Variants in EFNA5 observed in about 807,000 individuals in gnomAD.
The protein encoded by EFNA5 is ephrin-A5.
A neutral mutation model predicts 22.9 loss-of-function variants in EFNA5; 5 were observed. The observed-to-expected ratio is 0.22, with a 90% confidence interval of 0.11 to 0.46. The LOEUF (loss-of-function observed/expected upper bound fraction) is 0.46. Among genes scored for constraint, EFNA5 ranks in the 20% least tolerant of loss-of-function variants. The probability of loss-of-function intolerance (pLI) is 0.99; values close to 1 mark genes in which losing one functional copy is unlikely to be tolerated. For synonymous variants in EFNA5, 113 were observed against 112.2 expected (o/e 1.01, Z -0.04); for missense variants, 237 against 293.3 (o/e 0.81, Z 1.40).
intron 1 of EFNA5, among the ~76,000 whole-genome samples, chr5:107,476,154 C>T (rs1188732862): frequency 6.8e-6 from 1 of 147,550 alleles, no homozygotes; most frequent in African/African-American, 2.6e-5. Context: ...CAAGTTCAAG[C>T]AATTCTCCTG....
chr5:107,514,304 G>C (rs1580506088), intron 1 of EFNA5, among the ~76,000 whole-genome samples: 1 of 152,124 alleles, frequency 6.6e-6, no homozygotes. Flanking sequence ...ATTCACTTGG[G>C]AATTCAACAG....
chr5:107,499,183 A>T (rs942990234), intron 1 of EFNA5, among the ~76,000 whole-genome samples: 19 of 151,882 alleles, frequency 1.3e-4, no homozygotes, highest in African/African-American at 3.9e-4. Flanking sequence ...GAAAGATGAA[A>T]TTTTTTTTTA....
chr5:107,540,307 A>G (rs886415281), intron 1 of EFNA5, among the ~76,000 whole-genome samples: 3 of 152,246 alleles, frequency 2.0e-5, no homozygotes, highest in Admixed American at 6.5e-5. Flanking sequence ...AACCAGATTG[A>G]GAATGCATGA....
chr5:107,382,720 T>C (rs376796600), intron 4 of EFNA5, among the ~76,000 whole-genome samples: 41 of 152,234 alleles, frequency 2.7e-4, no homozygotes, highest in African/African-American at 8.7e-4. Flanking sequence ...TGGGGGCCAA[T>C]AGTGAGCCCC....
At chr5:107,535,947 T>C (rs1331412291) in intron 1 of EFNA5, among the ~76,000 whole-genome samples, 1 of 152,198 alleles carries the variant, frequency 6.6e-6, no homozygotes, top group Non-Finnish European at 1.5e-5. Flanking sequence ...CATTCTTCCC[T>C]TACCCTTTTA....
At chr5:107,656,457 C>A (rs1019102427) in intron 1 of EFNA5, among the ~76,000 whole-genome samples, 3 of 152,224 alleles carry the variant, frequency 2.0e-5, no homozygotes, top group African/African-American at 4.8e-5. Flanking sequence ...CAAAATGATA[C>A]AATTTGGTCT....
chr5:107,662,263 C>G (rs905509082), intron 1 of EFNA5, among the ~76,000 whole-genome samples: 12 of 152,146 alleles, frequency 7.9e-5, no homozygotes, highest in Admixed American at 7.9e-4. Context: ...TGCCTTTACA[C>G]TACATCTACA....
At chr5:107,644,466 G>GA (rs1194676289) in intron 1 of EFNA5, among the ~76,000 whole-genome samples, 7 of 152,094 alleles carry the variant, frequency 4.6e-5, no homozygotes, top group African/African-American at 1.7e-4. Context: ...TCATTAAACA[G>GA]AAAAAATACT....
intron 1 of EFNA5, among the ~76,000 whole-genome samples, chr5:107,556,826 T>G (rs1561432103): frequency 6.6e-6 from 1 of 151,872 alleles, no homozygotes; most frequent in East Asian, 1.9e-4. Context: ...TCCAGTGGTC[T>G]GCAGCAAGAG....
intron 1 of EFNA5, among the ~76,000 whole-genome samples, chr5:107,529,358 G>A (rs1286204546): frequency 6.6e-6 from 1 of 152,076 alleles, no homozygotes; most frequent in Non-Finnish European, 1.5e-5. Flanking sequence ...TTCAATTTAT[G>A]CACCAGGTCA....
chr5:107,536,625 A>C (rs1184518748), intron 1 of EFNA5, among the ~76,000 whole-genome samples: 2 of 152,208 alleles, frequency 1.3e-5, no homozygotes, highest in Non-Finnish European at 2.9e-5. Flanking sequence ...TCTATGTCCA[A>C]ATTCTTAAGG....
intron 2 of EFNA5, 120 bp downstream of exon 2, chr5:107,427,097 T>A: frequency 2.8e-6 from 3 of 1,083,016 alleles, no homozygotes; most frequent in Non-Finnish European, 4.1e-6. Flanking sequence ...GATGTACGCA[T>A]TTACAAGGAG....
At chr5:107,426,784 G>A (rs1208522583) in intron 2 of EFNA5, among the ~76,000 whole-genome samples, 1 of 152,198 alleles carries the variant, frequency 6.6e-6, no homozygotes, top group East Asian at 1.9e-4. Context: ...ATGCTGACAT[G>A]TCCAGGAGTT....
rs1749346496 is a variant in EFNA5, at chr5:107,591,913, A to ATT, written c.125+78575_125+78576insAA. Among the ~76,000 whole-genome samples, 5 of 7,076 alleles carry ATT rather than the reference A, an allele frequency of 7.1e-4. No individual in the cohort carries two copies. In the African/African-American group the frequency reaches 9.0e-3, roughly 13 times the overall value. The allele number at this position is 7,076 out of a possible 152,430, so 4.6% of individuals were successfully genotyped here. A position where few individuals can be genotyped will look rare whatever the true frequency, so the allele number is the denominator to read the frequency against. ...ATATTATATATAATATATAATATAA[A>ATT]AAATATATATATAATATATAATATA... On this transcript the variant is annotated intron_variant, in intron 1 of 4. Coordinates refer to ENST00000333274, the MANE Select transcript of EFNA5 (RefSeq NM_001962.3).
At chr5:107,546,499 T>C (rs551835755) in intron 1 of EFNA5, among the ~76,000 whole-genome samples, 7 of 152,292 alleles carry the variant, frequency 4.6e-5, no homozygotes, top group African/African-American at 1.7e-4. Flanking sequence ...AGCAGTGCAT[T>C]AAAAAAGATC....
At chr5:107,551,483 A>G (rs1166826619) in intron 1 of EFNA5, among the ~76,000 whole-genome samples, 1 of 152,146 alleles carries the variant, frequency 6.6e-6, no homozygotes, top group Non-Finnish European at 1.5e-5. Context: ...TCTAGTAATG[A>G]CATGTTCTGT....
At chr5:107,660,300 A>T (rs1214572702) in intron 1 of EFNA5, among the ~76,000 whole-genome samples, 1 of 110,492 alleles carries the variant, frequency 9.1e-6, no homozygotes, top group Non-Finnish European at 1.9e-5. Flanking sequence ...ATATATATAT[A>T]TATATATATA....
At position 107,476,046 on chromosome 5, in the gene EFNA5, C is replaced by CCATATATATATATATATATATATATA. The variant is rs1554061606; in HGVS notation, c.126-48538_126-48537insTATATATATATATATATATATATATG. Among the ~76,000 whole-genome samples the CCATATATATATATATATATATATATA allele has an allele frequency of 3.8e-4, 12 of 31,290 alleles. 1 individual carries two copies. The African/African-American group carries it at 4.1e-3, about 11-fold the overall frequency. The allele number at this position is 31,290 out of a possible 152,430, so 20.5% of individuals were successfully genotyped here. A position where few individuals can be genotyped will look rare whatever the true frequency, so the allele number is the denominator to read the frequency against. ...CCAAGGTGGCTTGAGAGTTTTTAAA[C>CCATATATATATATATATATATATATA]TATATATATATTTTTTTTTTTTGAG... On this transcript the variant is annotated intron_variant, in intron 1 of 4. Coordinates refer to ENST00000333274, the MANE Select transcript of EFNA5 (RefSeq NM_001962.3).
At chr5:107,628,509 C>T (rs1486974692) in intron 1 of EFNA5, among the ~76,000 whole-genome samples, 3 of 152,092 alleles carry the variant, frequency 2.0e-5, no homozygotes, top group Non-Finnish European at 2.9e-5. Flanking sequence ...GTATATAGAA[C>T]ATTGGAAGTG....
Sources: allele counts gnomAD v4.1 joint callset (sites outside exome capture counted in the v4.1 genomes callset), GRCh38; gene constraint gnomAD v4.1.1; transcripts MANE v1.5; gene names NCBI Gene and HGNC (gene_info 2026-07-23, HGNC 2026-07-21).